Variants in TECPR2 observed in about 807,000 individuals in gnomAD.
TECPR2 encodes the protein tectonin beta-propeller repeat-containing protein 2.
TECPR2 carries 65 observed loss-of-function variants against 138.1 expected under a neutral mutation model. The ratio of observed to expected loss-of-function variants is 0.47; its 90% CI spans 0.39 to 0.58. The LOEUF is 0.58. TECPR2 is among the 20% of genes least tolerant of loss of function. TECPR2 has a pLI of 0.00. For missense variants in TECPR2, 1,553 were observed against 1,824.5 expected (o/e 0.85, Z 2.71); for synonymous variants, 746 against 749.8 (o/e 0.99, Z 0.08).
In TECPR2 at chr14:102,434,811, C is replaced by G. The variant is rs777858951; in HGVS notation, c.1994C>G (p.Pro665Arg). The G allele has an allele frequency of 2.5e-6, 4 of 1,613,248 alleles. No individual in the cohort carries two copies. The highest frequency in any genetic ancestry group is 2.7e-5 in the African/African-American group (2 of 74,930). The stretch of plus-strand genomic sequence containing the variant: ...GCCCCAAGTGCTGAACAGTGGCTGC[C>G]TGGGACCAGAGCTGATGAAGGCAGC... ...SWAPSAEQWL[P>R]GTRADEGSPV... Residue 665 changes from proline to arginine, a missense_variant, in exon 9 of 20, where the codon CCT (proline) becomes CGT (arginine). Physicochemically the swap from Pro to Arg is moderately radical, Grantham distance 103 (BLOSUM62 -2). Transcript: ENST00000359520.
At chr14:102,380,850 T>C (rs2139662134) in intron 2 of TECPR2, among the ~76,000 whole-genome samples, 1 of 152,184 alleles carries the variant, frequency 6.6e-6, no homozygotes, top group East Asian at 1.9e-4. Flanking sequence ...GCTAATTTTT[T>C]TGTATTTTTA....
In TECPR2 at chr14:102,434,705, A is replaced by G. The variant is rs2139731190; in HGVS notation, c.1888A>G (p.Ile630Val). The G allele has an allele frequency of 6.2e-7, 1 of 1,613,740 alleles. No homozygotes were observed. The highest frequency in any genetic ancestry group is 8.5e-7 in the Non-Finnish European group (1 of 1,179,952). The change falls in exon 9 of 20, where the codon ATC becomes GTC. Residue 630 changes from isoleucine (I) to valine (V), a missense_variant. Physicochemically the swap from Ile to Val is conservative, Grantham distance 29. Transcript: ENST00000359520. Reference protein sequence around the residue: ...SSPGAHDGEDIQPIGPQSTFC... With the variant: ...SSPGAHDGEDVQPIGPQSTFC... ...TCCTGGGGCGCATGATGGGGAAGACATCCAACCCATTGGCCCCCAAAGCAC... is the reference window on the plus strand; with the variant it reads ...TCCTGGGGCGCATGATGGGGAAGACGTCCAACCCATTGGCCCCCAAAGCAC...
intron 2 of TECPR2, among the ~76,000 whole-genome samples, chr14:102,389,985 G>A (rs183320533): frequency 2.6e-5 from 4 of 152,304 alleles, no homozygotes; most frequent in African/African-American, 9.6e-5. Flanking sequence ...GGAAAATAGT[G>A]TAACCATTCT....
At chr14:102,371,553 A>C (rs1018802108) in intron 1 of TECPR2, among the ~76,000 whole-genome samples, 1 of 152,062 alleles carries the variant, frequency 6.6e-6, no homozygotes, top group Non-Finnish European at 1.5e-5. Flanking sequence ...GCCCCCAGGC[A>C]TGGCTGTCCT....
intron 2 of TECPR2, among the ~76,000 whole-genome samples, chr14:102,400,114 G>A (rs1193564739): frequency 1.3e-5 from 2 of 149,898 alleles, no homozygotes; most frequent in African/African-American, 2.5e-5. Context: ...GGTGTGATAT[G>A]GGCTCACTGC....
At chr14:102,394,028 A>G (rs1165561595) in intron 2 of TECPR2, among the ~76,000 whole-genome samples, 5 of 152,190 alleles carry the variant, frequency 3.3e-5, no homozygotes. Context: ...TCTTGCCACC[A>G]TGTCAAGACT....
rs1003950414 is a variant in TECPR2 at position 102,450,494 on chromosome 14, A to G, written c.3317-66A>G. On this transcript the variant is annotated intron_variant, in intron 14 of 19. Transcript: ENST00000359520. The stretch of plus-strand genomic sequence containing the variant: ...TGAAGGCCAGCTGTCGTCCAGAACT[A>G]AGATCTGAAGTGGTTTTGTCTATGC... 4 of 1,514,056 alleles carry G rather than the reference A, an allele frequency of 2.6e-6. No individual in the cohort carries two copies. In the Admixed American group the frequency reaches 5.2e-5, roughly 20 times the overall value. 93.8% of individuals were successfully genotyped at this position (1,514,056 alleles called of 1,614,324 possible).
chr14:102,426,506 C>T (rs1323804110), intron 6 of TECPR2, among the ~76,000 whole-genome samples: 1 of 152,212 alleles, frequency 6.6e-6, no homozygotes, highest in Non-Finnish European at 1.5e-5. Flanking sequence ...GCTCAGCGGG[C>T]CTCTGACAGG....
At chr14:102,456,836 G>A (rs898199392) in intron 16 of TECPR2, among the ~76,000 whole-genome samples, 4 of 151,864 alleles carry the variant, frequency 2.6e-5, no homozygotes, top group East Asian at 1.9e-4. Flanking sequence ...TGATCTGCTC[G>A]CCTCAGCCTC....
At position 102,408,756 on chromosome 14, in the gene TECPR2, TACTTTTATAG is replaced by T. The variant is rs1368151475; in HGVS notation, c.480+142_480+151del. 5 of 1,013,732 alleles carry T rather than the reference TACTTTTATAG, an allele frequency of 4.9e-6. No individual in the cohort carries two copies. The East Asian group carries it at 1.1e-4, about 23-fold the overall frequency. 62.8% of individuals were successfully genotyped at this position (1,013,732 alleles called of 1,614,324 possible). A position where few individuals can be genotyped will look rare whatever the true frequency, so the allele number is the denominator to read the frequency against. On this transcript the variant is annotated intron_variant, in intron 4 of 19. Transcript: ENST00000359520. ...AATCTCAATTGTTATTTGTAACATT[TACTTTTATAG>T]ACTTATGTTTTATAAGCTTCCACTT...
intron 12 of TECPR2, among the ~76,000 whole-genome samples, chr14:102,445,589 T>A (rs905816483): frequency 6.6e-6 from 1 of 152,126 alleles, no homozygotes; most frequent in African/African-American, 2.4e-5. Flanking sequence ...GGGTCATCAG[T>A]GTGTCTTTCA....
intron 2 of TECPR2, among the ~76,000 whole-genome samples, chr14:102,390,928 A>G (rs1047983870): frequency 6.6e-6 from 1 of 152,136 alleles, no homozygotes; most frequent in African/African-American, 2.4e-5. Context: ...TATGATCATG[A>G]GACAACCTCC....
intron 13 of TECPR2, 70 bp from the exon 14 acceptor site, chr14:102,449,554 ACCTTC>A: frequency 6.3e-7 from 1 of 1,588,334 alleles, no homozygotes; most frequent in Non-Finnish European, 8.6e-7. Context: ...CTGAGCTAGA[ACCTTC>A]CCTCAAGGCA....
rs1447441425 is a variant in TECPR2, at chr14:102,461,342, G to C, written c.3641-3799G>C. 2.0e-5 allele frequency among the ~76,000 whole-genome samples: 3 copies of C among 152,260 alleles called. No homozygotes were observed. The East Asian group carries it at 5.8e-4, about 29-fold the overall frequency. ...TTTAATGAAGAACTATTCAGTGTCA[G>C]TTTATGCCGTTAGGTAACAAACAGG... On this transcript the variant is annotated intron_variant, in intron 16 of 19. Transcript: ENST00000359520.
At chr14:102,459,660 C>G (rs779223954) in intron 16 of TECPR2, among the ~76,000 whole-genome samples, 1 of 152,148 alleles carries the variant, frequency 6.6e-6, no homozygotes, top group Non-Finnish European at 1.5e-5. Flanking sequence ...CCCAGTTACT[C>G]TGGAGGCTGA....
At chr14:102,364,854 G>A (rs1887301644) in intron 1 of TECPR2, among the ~76,000 whole-genome samples, 1 of 152,108 alleles carries the variant, frequency 6.6e-6, no homozygotes, top group Admixed American at 6.6e-5. Flanking sequence ...GGGAAGATGA[G>A]GAATAGATCA....
In TECPR2 at chr14:102,425,252, G is replaced by C; in HGVS notation, c.912G>C (p.Trp304Cys). 1.2e-6 allele frequency: 2 copies of C among 1,611,904 alleles called. No homozygotes were observed. The highest frequency in any genetic ancestry group is 1.7e-6 in the Non-Finnish European group (2 of 1,178,708). ...CFFQEGWVLS[W>C]NEYSIYLLDT... ...TTCAAGAAGGCTGGGTGCTGAGTTGGAATGAATATAGTATCTATCTCCTAG... is the reference window on the plus strand; with the variant it reads ...TTCAAGAAGGCTGGGTGCTGAGTTGCAATGAATATAGTATCTATCTCCTAG... The change falls in exon 6 of 20, where the codon TGG becomes TGC. Residue 304 changes from tryptophan to cysteine, a missense_variant. Trp to Cys is a radical substitution (Grantham distance 215). Coordinates refer to ENST00000359520, the MANE Select transcript of TECPR2 (RefSeq NM_014844.5).
chr14:102,461,187 C>T (rs1890402219), intron 16 of TECPR2, among the ~76,000 whole-genome samples: 1 of 152,122 alleles, frequency 6.6e-6, no homozygotes, highest in Admixed American at 6.5e-5. Context: ...AGAAAATTTG[C>T]ATCACTTAGC....
intron 2 of TECPR2, among the ~76,000 whole-genome samples, chr14:102,384,600 C>T (rs532439214): frequency 6.6e-5 from 10 of 151,650 alleles, no homozygotes; most frequent in African/African-American, 2.4e-4. Context: ...TCACTTGAAC[C>T]CGGGAGGCGG....
Sources: gnomAD v4.1 joint callset for allele counts (sites outside exome capture counted in the v4.1 genomes callset) on GRCh38, gnomAD v4.1.1 for gene constraint, MANE v1.5 for transcripts, NCBI Gene and HGNC (gene_info 2026-07-23, HGNC 2026-07-21) for gene names.